The following BCKDHB variants were observed in gnomAD, a reference collection of about 807,000 sequenced individuals.
The protein encoded by BCKDHB is branched chain keto acid dehydrogenase E1 subunit beta.
In BCKDHB, 41 loss-of-function variants were observed where a neutral mutation model predicts 48.5. The ratio of observed to expected loss-of-function variants is 0.85; its 90% confidence interval spans 0.66 to 1.10. The LOEUF is 1.10. Ranked by LOEUF, BCKDHB falls within the 50% of genes least tolerant of loss-of-function variation. BCKDHB has a pLI of 0.00. For synonymous variants in BCKDHB, 201 were observed against 174.8 expected (o/e 1.15, Z -1.18); for missense variants, 496 against 494.2 (o/e 1.00, Z -0.03).
At chr6:80,336,558 A>G (rs1190914123) in intron 9 of BCKDHB, among the ~76,000 whole-genome samples, 2 of 151,650 alleles carry the variant, frequency 1.3e-5, no homozygotes, top group African/African-American at 4.8e-5. Flanking sequence ...GGAGGAAGAG[A>G]TGGATTTTTT....
chr6:80,121,463 A>G (rs1582177933), intron 1 of BCKDHB, among the ~76,000 whole-genome samples: 1 of 152,292 alleles, frequency 6.6e-6, no homozygotes, highest in South Asian at 2.1e-4. Context: ...CAGTATGGCC[A>G]TTTTCACAAA....
At chr6:80,465,044 G>C in the BCKDHB span, among the ~76,000 whole-genome samples, 8 of 152,230 alleles carry the variant, frequency 5.3e-5, no homozygotes, top group East Asian at 1.4e-3. Context: ...GCCTCTCTTT[G>C]GCCAAGATAG....
At chr6:80,251,749 A>G (rs568818813) in intron 8 of BCKDHB, 4 of 152,232 alleles carry the variant, frequency 2.6e-5, no homozygotes, top group Non-Finnish European at 5.9e-5. Flanking sequence ...AGCAACCAAC[A>G]TCAACAGCTG....
At chr6:80,353,392 A>C in the BCKDHB span, among the ~76,000 whole-genome samples, 1 of 152,214 alleles carries the variant, frequency 6.6e-6, no homozygotes, top group Non-Finnish European at 1.5e-5. Flanking sequence ...ATTTGCATAG[A>C]TATCCAGTAG....
chr6:80,231,243 A>G (rs1310050603), intron 8 of BCKDHB, among the ~76,000 whole-genome samples: 1 of 152,240 alleles, frequency 6.6e-6, no homozygotes, highest in Non-Finnish European at 1.5e-5. Context: ...ATAGTAAAAC[A>G]ATAGAAAAAA....
intron 3 of BCKDHB, among the ~76,000 whole-genome samples, chr6:80,160,786 A>G (rs1339382648): frequency 1.3e-5 from 2 of 152,250 alleles, no homozygotes; most frequent in African/African-American, 4.8e-5. Context: ...ACAGTCAGCC[A>G]TCTGGCATTC....
intron 6 of BCKDHB, among the ~76,000 whole-genome samples, chr6:80,174,914 T>C (rs1773080481): frequency 6.6e-6 from 1 of 152,232 alleles, no homozygotes; most frequent in Non-Finnish European, 1.5e-5. Context: ...ATTTTATTTA[T>C]GGAATGGTAT....
chr6:80,187,250 A>G (rs965100894), intron 6 of BCKDHB, among the ~76,000 whole-genome samples: 3 of 152,166 alleles, frequency 2.0e-5, no homozygotes, highest in Non-Finnish European at 4.4e-5. Flanking sequence ...GTGTTAATAC[A>G]TGTATTTGGA....
intron 9 of BCKDHB, among the ~76,000 whole-genome samples, chr6:80,314,156 G>T (rs1305060885): frequency 1.3e-5 from 2 of 152,162 alleles, no homozygotes; most frequent in African/African-American, 4.8e-5. Flanking sequence ...ATTTACTGAG[G>T]AGTGTTTTAC....
At chr6:80,201,061 C>G in intron 7 of BCKDHB, 30 bp downstream of exon 7, 1 of 1,521,428 alleles carries the variant, frequency 6.6e-7, no homozygotes, top group Non-Finnish European at 9.1e-7. Flanking sequence ...ACTGTTAAAA[C>G]CTACGTTGTG....
chr6:80,390,411 C>T, the BCKDHB span, among the ~76,000 whole-genome samples: 1 of 152,220 alleles, frequency 6.6e-6, no homozygotes, highest in Non-Finnish European at 1.5e-5. Context: ...TCAATACCAG[C>T]TATGACCATG....
chr6:80,353,372 ATTTCT>A, the BCKDHB span, among the ~76,000 whole-genome samples: 10 of 152,076 alleles, frequency 6.6e-5, no homozygotes, highest in African/African-American at 2.4e-4. Context: ...TGATACACTG[ATTTCT>A]TTTCATTTGC....
At chr6:80,403,696 A>G in the BCKDHB span, among the ~76,000 whole-genome samples, 8 of 152,000 alleles carry the variant, frequency 5.3e-5, no homozygotes, top group African/African-American at 1.7e-4. Flanking sequence ...ACCTTTGGGT[A>G]TAATGTTAGC....
At chr6:80,346,925 A>T (rs1199133745), downstream of BCKDHB, among the ~76,000 whole-genome samples, 1 of 144,418 alleles carries the variant, frequency 6.9e-6, no homozygotes, top group Non-Finnish European at 1.5e-5. Context: ...TCTAGGAAAA[A>T]GGTCTCTACC....
At chr6:80,217,459 A>G (rs1775226279) in intron 8 of BCKDHB, among the ~76,000 whole-genome samples, 1 of 152,012 alleles carries the variant, frequency 6.6e-6, no homozygotes, top group African/African-American at 2.4e-5. Flanking sequence ...TTAATATTCT[A>G]TATTTGGCAT....
chr6:80,374,523 T>C, the BCKDHB span: 2 of 727,454 alleles, frequency 2.7e-6, no homozygotes, highest in Non-Finnish European at 5.2e-6. Flanking sequence ...ACCTCTTGAT[T>C]TGCATGATTT....
chr6:80,205,900 C>T (rs995452748), intron 8 of BCKDHB, among the ~76,000 whole-genome samples: 2 of 150,946 alleles, frequency 1.3e-5, no homozygotes, highest in Non-Finnish European at 2.9e-5. Context: ...GGCATGTTGA[C>T]ACCGATGACC....
chr6:80,229,794 A>T (rs1253885154), intron 8 of BCKDHB, among the ~76,000 whole-genome samples: 1 of 152,062 alleles, frequency 6.6e-6, no homozygotes, highest in Non-Finnish European at 1.5e-5. Flanking sequence ...AGTAAGAAAT[A>T]GCCAGAAATG....
intron 9 of BCKDHB, among the ~76,000 whole-genome samples, chr6:80,285,159 A>G (rs544640558): frequency 4.3e-4 from 66 of 152,278 alleles, no homozygotes; most frequent in African/African-American, 1.4e-3. Flanking sequence ...TTTTCTGGGC[A>G]TAGAGTTCTA....
Sources: gnomAD v4.1 joint callset for allele counts (sites outside exome capture counted in the v4.1 genomes callset) on GRCh38, gnomAD v4.1.1 for gene constraint, MANE v1.5 for transcripts, NCBI Gene and HGNC (gene_info 2026-07-23, HGNC 2026-07-21) for gene names.